CDK11B: variants seen among roughly 807,000 people sequenced by gnomAD.
CDK11B encodes cyclin-dependent kinase 11B.
Under a neutral mutation model 84.0 loss-of-function variants are expected in CDK11B, and 37 were observed. That is an observed-to-expected ratio of 0.44 (90% CI 0.34 to 0.58). CDK11B has a LOEUF of 0.58. Ranked by LOEUF, CDK11B falls within the 20% of genes least tolerant of loss-of-function variation. The probability of loss-of-function intolerance (pLI) is 0.02; values close to 1 mark genes in which losing one functional copy is unlikely to be tolerated. For missense variants in CDK11B, 427 were observed against 834.0 expected (o/e 0.51, Z 6.01); for synonymous variants, 269 against 309.8 (o/e 0.87, Z 1.38).
At chr1:1,652,702 C>T (rs1642164481) in intron 3 of CDK11B, 136 bp from the exon 4 acceptor site, 2 of 640,670 alleles carry the variant, frequency 3.1e-6, no homozygotes, top group Non-Finnish European at 4.9e-6. Flanking sequence ...TAAAAAATTA[C>T]ATTAATTCTC....
At chr1:1,654,259 C>G (rs1283462195) in intron 3 of CDK11B, 1 of 425,772 alleles carries the variant, frequency 2.3e-6, no homozygotes, top group Admixed American at 2.9e-5. Flanking sequence ...TCGGAACACA[C>G]AGGTCTCAAC....
rs572435597 is a variant in CDK11B at position 1,637,198 on chromosome 1, C to T, written c.1575G>A (p.Glu525=). The T allele has an allele frequency of 6.8e-6, 11 of 1,613,312 alleles. 1 individual carries two copies. The East Asian group carries it at 2.5e-4, about 36-fold the overall frequency. The change falls in exon 15 of 20, where the codon GAG becomes GAA. Residue 525 remains glutamate (E), a synonymous_variant. Coordinates refer to ENST00000341832, the MANE Select transcript of CDK11B (RefSeq NM_033486.3). The part of the protein sequence containing the change: ...ETMKQPFLPG[E]VKTLMIQLLR... The stretch of plus-strand genomic sequence containing the variant: ...GCAGCTGGATCATCAGGGTCTTCAC[C>T]TCCCCTGGGAGGGAGGGAAGCTCCC...
intron 5 of CDK11B, among the ~76,000 whole-genome samples, chr1:1,648,483 C>T (rs1405078803): frequency 6.6e-6 from 1 of 150,988 alleles, no homozygotes; most frequent in Middle Eastern, 3.4e-3. Flanking sequence ...TCTTTACATG[C>T]TGTGTACCCA....
chr1:1,641,427 T>A (rs568265882), intron 9 of CDK11B, among the ~76,000 whole-genome samples: 1 of 147,606 alleles, frequency 6.8e-6, no homozygotes, highest in South Asian at 2.2e-4. Context: ...GAGGATCACT[T>A]GAACCCGGGA....
intron 5 of CDK11B, among the ~76,000 whole-genome samples, chr1:1,648,898 T>C (rs1344443641): frequency 6.6e-6 from 1 of 151,962 alleles, no homozygotes; most frequent in Non-Finnish European, 1.5e-5. Flanking sequence ...CCTCCTAAAG[T>C]GCTAGGATTA....
intron 17 of CDK11B, 79 bp downstream of exon 17, chr1:1,636,603 A>G (rs749159943): frequency 4.4e-6 from 7 of 1,596,546 alleles, no homozygotes; most frequent in Non-Finnish European, 6.0e-6. Flanking sequence ...ATCTCAACCC[A>G]GCACCTGTGC....
rs763330655 is a variant in CDK11B, at chr1:1,636,488, G to C, written c.1918-7C>G. The C allele has an allele frequency of 2.7e-5, 44 of 1,609,592 alleles. No homozygotes were observed. The highest frequency in any genetic ancestry group is 2.3e-5 in the Non-Finnish European group (27 of 1,177,984). On this transcript the variant is annotated splice_region_variant and splice_polypyrimidine_tract_variant and intron_variant, in intron 17 of 19. Transcript: ENST00000341832. Reference sequence around the variant, plus strand: ...CACTAGGGGTCCCCAGATCCTGAAAGACAGAGGTGCTTCAACAGCCACACC... The same window carrying C: ...CACTAGGGGTCCCCAGATCCTGAAACACAGAGGTGCTTCAACAGCCACACC...
rs1193958815 is a variant in CDK11B, at chr1:1,652,388, G to A, written c.355+51C>T. 9 of 1,437,298 alleles carry A rather than the reference G, an allele frequency of 6.3e-6. No individual in the cohort carries two copies. In the African/African-American group the frequency reaches 7.5e-5, roughly 12 times the overall value. The allele number at this position is 1,437,298 out of a possible 1,614,324, so 89.0% of individuals were successfully genotyped here. ...GGGGAAGGCAGAAGAGTAGGAACAG[G>A]AAAGAAACCACACTTGAACATGATG... On this transcript the variant is annotated intron_variant, in intron 4 of 19. Transcript: ENST00000341832.
intron 10 of CDK11B, 116 bp from the exon 11 acceptor site, chr1:1,640,568 T>C (rs542435001): frequency 7.9e-7 from 1 of 1,270,732 alleles, no homozygotes; most frequent in East Asian, 2.5e-5. Context: ...TGGGAGGTGC[T>C]GGCGCTGGGC....
In CDK11B at chr1:1,649,643, G is replaced by C; in HGVS notation, c.356-6C>G. The stretch of plus-strand genomic sequence containing the variant: ...TTTCACTCTAGCATGCTTCCCTAAT[G>C]AGAAATAAAGTGTCATGCAAAGAAA... On this transcript the variant is annotated splice_polypyrimidine_tract_variant and splice_region_variant and intron_variant, in intron 4 of 19. Transcript: ENST00000341832. The C allele has an allele frequency of 6.2e-7, 1 of 1,609,654 alleles. No individual in the cohort carries two copies. Among genetic ancestry groups the C allele is most frequent in the Non-Finnish European group, 8.5e-7 (1 of 1,177,064 alleles).
intron 5 of CDK11B, among the ~76,000 whole-genome samples, chr1:1,648,157 C>G (rs1641416810): frequency 6.6e-6 from 1 of 152,268 alleles, no homozygotes; most frequent in Non-Finnish European, 1.5e-5. Flanking sequence ...ATTGGCTGAT[C>G]TGAATCGGCC....
intron 4 of CDK11B, among the ~76,000 whole-genome samples, chr1:1,651,030 G>A (rs1641939438): frequency 2.0e-5 from 3 of 152,050 alleles, no homozygotes; most frequent in Non-Finnish European, 1.5e-5. Flanking sequence ...CTATCAGTGG[G>A]CTTCTCCACT....
In CDK11B at chr1:1,636,422, C is replaced by T. The variant is rs369514714; in HGVS notation, c.1977G>A (p.Lys659=). The T allele has an allele frequency of 1.2e-4, 201 of 1,612,772 alleles. No homozygotes were observed. In the Admixed American group the frequency reaches 1.9e-3, roughly 15 times the overall value. Residue 659 remains lysine, a synonymous_variant, in exon 18 of 20, where the codon AAG becomes AAA. Transcript: ENST00000341832. ...AGGGGTGCTCGCTGAAGGTCATCTTCTTGACTGCTGGGAGCTCGCTGTAGC... is the reference window on the plus strand; with the variant it reads ...AGGGGTGCTCGCTGAAGGTCATCTTTTTGACTGCTGGGAGCTCGCTGTAGC... ...WPGYSELPAV[K]KMTFSEHPYN...
intron 2 of CDK11B, among the ~76,000 whole-genome samples, chr1:1,655,795 A>G (rs1324430285): frequency 1.3e-5 from 2 of 152,014 alleles, no homozygotes; most frequent in Admixed American, 6.6e-5. Context: ...AGTGACCGGA[A>G]CTGCTTGAAC....
intron 2 of CDK11B, among the ~76,000 whole-genome samples, chr1:1,656,923 T>A (rs1642832887): frequency 6.6e-6 from 1 of 152,210 alleles, no homozygotes; most frequent in Non-Finnish European, 1.5e-5. Flanking sequence ...CTGCTAAAGA[T>A]CTTAGCAAAA....
chr1:1,650,913 G>A (rs1641924450), intron 4 of CDK11B, among the ~76,000 whole-genome samples: 1 of 152,180 alleles, frequency 6.6e-6, no homozygotes, highest in East Asian at 1.9e-4. Context: ...CAGAAGAGCA[G>A]AATTGTAATA....
At chr1:1,656,000 G>T (rs752626314) in intron 2 of CDK11B, among the ~76,000 whole-genome samples, 1 of 152,112 alleles carries the variant, frequency 6.6e-6, no homozygotes, top group Non-Finnish European at 1.5e-5. Flanking sequence ...TATGACAAGG[G>T]ACATTAGACT....
chr1:1,636,245 G>A (rs1356213663), intron 18 of CDK11B, 88 bp downstream of exon 18: 9 of 1,332,752 alleles, frequency 6.8e-6, no homozygotes, highest in Non-Finnish European at 9.2e-6. Context: ...AGCAGTTCTG[G>A]AACGTGGTGA....
At chr1:1,647,435 A>G (rs1317791240) in intron 5 of CDK11B, among the ~76,000 whole-genome samples, 3 of 152,320 alleles carry the variant, frequency 2.0e-5, no homozygotes, top group South Asian at 4.1e-4. Context: ...TCCTTCCCAC[A>G]TGCCTATTTT....
Sources: allele counts gnomAD v4.1 joint callset (sites outside exome capture counted in the v4.1 genomes callset), GRCh38; gene constraint gnomAD v4.1.1; transcripts MANE v1.5; gene names NCBI Gene and HGNC (gene_info 2026-07-23, HGNC 2026-07-21).